Variants in GARRE1 observed in about 807,000 individuals in gnomAD.
The protein encoded by GARRE1 is granule associated Rac and RHOG effector 1, also known as granule associated Rac and RHOG effector protein 1.
A neutral mutation model predicts 103.2 loss-of-function variants in GARRE1; 49 were observed. The observed-to-expected ratio is 0.47, with a 90% CI of 0.38 to 0.60. The LOEUF (loss-of-function observed/expected upper bound fraction) is 0.60. Ranked by LOEUF, GARRE1 falls within the 20% of genes least tolerant of loss-of-function variation. The pLI, the probability that GARRE1 is intolerant of heterozygous loss-of-function variation, is 0.00. For synonymous variants in GARRE1, 505 were observed against 532.8 expected (o/e 0.95, Z 0.72); for missense variants, 1,199 against 1,370.5 (o/e 0.87, Z 1.98).
At chr19:34,295,399 A>G (rs1180560961) in intron 1 of GARRE1, among the ~76,000 whole-genome samples, 1 of 152,146 alleles carries the variant, frequency 6.6e-6, no homozygotes, top group East Asian at 1.9e-4. Flanking sequence ...CCAATTTTTC[A>G]TTGTTTTTAT....
At chr19:34,295,055 G>A (rs941234462) in intron 1 of GARRE1, among the ~76,000 whole-genome samples, 17 of 152,166 alleles carry the variant, frequency 1.1e-4, no homozygotes, top group African/African-American at 3.9e-4. Flanking sequence ...CTCTAAGTCA[G>A]GTAAAATACA....
chr19:34,262,594 C>T (rs2145951602), intron 1 of GARRE1, among the ~76,000 whole-genome samples: 1 of 152,216 alleles, frequency 6.6e-6, no homozygotes, highest in East Asian at 1.9e-4. Context: ...CCTCGCCTGG[C>T]CTCTGCTTCT....
intron 1 of GARRE1, among the ~76,000 whole-genome samples, chr19:34,273,821 A>G (rs2073801753): frequency 6.6e-6 from 1 of 152,190 alleles, no homozygotes. Context: ...CAGACAGTAG[A>G]AATGAAATGT....
intron 1 of GARRE1, among the ~76,000 whole-genome samples, chr19:34,256,017 T>C (rs1267360471): frequency 6.6e-6 from 1 of 151,802 alleles, no homozygotes; most frequent in African/African-American, 2.4e-5. Context: ...TTTTGTATTT[T>C]TAGTAGAGAC....
At position 34,309,077 on chromosome 19, in the gene GARRE1, T is replaced by A. The variant is rs575132225; in HGVS notation, c.495+8109T>A. On this transcript the variant is annotated intron_variant, in intron 2 of 13. Transcript: ENST00000299505. ...TAATAATATTCTACTTCTCCCTCTT[T>A]AAAAAAAAAAACAAACCCTGAAATA... 3.2e-3 allele frequency among the ~76,000 whole-genome samples: 473 copies of A among 147,406 alleles called. 3 individuals carry two copies. Among genetic ancestry groups the A allele is most frequent in the Admixed American group, 4.6e-3 (68 of 14,846 alleles).
At chr19:34,259,769 G>T (rs2073703840) in intron 1 of GARRE1, among the ~76,000 whole-genome samples, 1 of 152,100 alleles carries the variant, frequency 6.6e-6, no homozygotes, top group Non-Finnish European at 1.5e-5. Context: ...ATCTCATCTT[G>T]AATTGTAGTT....
chr19:34,338,519 T>C (rs551912206), intron 8 of GARRE1, among the ~76,000 whole-genome samples: 1 of 152,258 alleles, frequency 6.6e-6, no homozygotes, highest in South Asian at 2.1e-4. Context: ...GCCTTGAGGA[T>C]AGAGTAGGAC....
chr19:34,292,287 T>C (rs2073922503), intron 1 of GARRE1, among the ~76,000 whole-genome samples: 1 of 152,258 alleles, frequency 6.6e-6, no homozygotes, highest in African/African-American at 2.4e-5. Context: ...TCGTCCATAT[T>C]GTAGCATTTA....
At chr19:34,287,323 TTTG>T (rs905898250) in intron 1 of GARRE1, among the ~76,000 whole-genome samples, 44 of 152,112 alleles carry the variant, frequency 2.9e-4, no homozygotes, top group African/African-American at 1.0e-3. Flanking sequence ...ACTAGGTTTT[TTTG>T]TTGTTGTTTG....
intron 1 of GARRE1, among the ~76,000 whole-genome samples, chr19:34,261,297 A>G (rs960461071): frequency 1.3e-5 from 2 of 152,088 alleles, no homozygotes; most frequent in Non-Finnish European, 2.9e-5. Context: ...TTAGTGTTGC[A>G]GTGAGGGCTC....
chr19:34,318,517 A>G (rs771203079), intron 2 of GARRE1, among the ~76,000 whole-genome samples: 70 of 152,382 alleles, frequency 4.6e-4, no homozygotes, highest in Non-Finnish European at 6.2e-4. Flanking sequence ...TGCAAACTCA[A>G]TAAAGTAAGT....
At position 34,307,613 on chromosome 19, in the gene GARRE1, A is replaced by T. The variant is rs373584318; in HGVS notation, c.495+6645A>T. On this transcript the variant is annotated intron_variant, in intron 2 of 13. Coordinates refer to ENST00000299505, the MANE Select transcript of GARRE1 (RefSeq NM_014686.5). Reference sequence around the variant, plus strand: ...TATACACATACGCACACACATACATATATATACTTATATATACATATATAC... The same window carrying T: ...TATACACATACGCACACACATACATTTATATACTTATATATACATATATAC... Among the ~76,000 whole-genome samples the T allele has an allele frequency of 8.6e-3, 1,252 of 144,934 alleles. 10 individuals carry two copies. The highest frequency in any genetic ancestry group is 0.013 in the Non-Finnish European group (899 of 66,614).
intron 1 of GARRE1, among the ~76,000 whole-genome samples, chr19:34,270,041 A>G (rs2073777192): frequency 6.6e-6 from 1 of 152,106 alleles, no homozygotes; most frequent in Admixed American, 6.5e-5. Context: ...CTGATGTTTT[A>G]ATGATACCCT....
intron 12 of GARRE1, among the ~76,000 whole-genome samples, chr19:34,349,986 G>A (rs1001225882): frequency 4.6e-5 from 7 of 152,218 alleles, no homozygotes; most frequent in Non-Finnish European, 7.3e-5. Flanking sequence ...TTGAGCCTGG[G>A]AAGTTGAGGC....
At chr19:34,278,123 A>G (rs1446185318) in intron 1 of GARRE1, among the ~76,000 whole-genome samples, 2 of 151,926 alleles carry the variant, frequency 1.3e-5, no homozygotes, top group African/African-American at 2.4e-5. Flanking sequence ...ACCACCATCC[A>G]TCTCCAGAAC....
At chr19:34,292,396 T>TA (rs1039007961) in intron 1 of GARRE1, among the ~76,000 whole-genome samples, 12 of 152,344 alleles carry the variant, frequency 7.9e-5, no homozygotes, top group African/African-American at 2.9e-4. Flanking sequence ...ATTGGGTCGT[T>TA]ACTACTTTTG....
intron 10 of GARRE1, among the ~76,000 whole-genome samples, chr19:34,344,570 G>A (rs1166830171): frequency 2.1e-5 from 3 of 143,204 alleles, no homozygotes; most frequent in East Asian, 4.1e-4. Context: ...CAGCCTGGGC[G>A]ACAGAGCGAG....
At chr19:34,338,525 A>G (rs1240150526) in intron 8 of GARRE1, among the ~76,000 whole-genome samples, 1 of 152,186 alleles carries the variant, frequency 6.6e-6, no homozygotes, top group African/African-American at 2.4e-5. Context: ...AGGATAGAGT[A>G]GGACTCTGTC....
chr19:34,271,556 G>T (rs759738368), intron 1 of GARRE1, among the ~76,000 whole-genome samples: 11 of 152,064 alleles, frequency 7.2e-5, no homozygotes, highest in Non-Finnish European at 1.6e-4. Flanking sequence ...CCCCTTCTGT[G>T]CACTTTCATT....
Sources: allele counts gnomAD v4.1 joint callset (sites outside exome capture counted in the v4.1 genomes callset), GRCh38; gene constraint gnomAD v4.1.1; transcripts MANE v1.5; gene names NCBI Gene and HGNC (gene_info 2026-07-23, HGNC 2026-07-21).